DNAH9: variants seen among roughly 807,000 people sequenced by gnomAD.
The protein encoded by DNAH9 is dynein axonemal heavy chain 9, also known as DNAH9 variant protein.
DNAH9 carries 345 observed loss-of-function variants against 471.6 expected under a neutral mutation model. The ratio of observed to expected loss-of-function variants is 0.73; its 90% CI spans 0.67 to 0.80. DNAH9 has a LOEUF of 0.80. Ranked by LOEUF, DNAH9 falls within the 30% of genes least tolerant of loss-of-function variation. The probability of loss-of-function intolerance (pLI) is 0.00; values close to 1 mark genes in which losing one functional copy is unlikely to be tolerated. For synonymous variants in DNAH9, 2,093 were observed against 2,123.6 expected, an observed-to-expected ratio of 0.99 and a Z score of 0.40; for missense variants, 5,407 against 5,609.2, an observed-to-expected ratio of 0.96 and a Z score of 1.15.
chr17:11,908,552 T>C (rs1567892769), intron 61 of DNAH9, among the ~76,000 whole-genome samples: 1 of 152,184 alleles, frequency 6.6e-6, no homozygotes, highest in Non-Finnish European at 1.5e-5. Flanking sequence ...TACTCGGTAG[T>C]CAGAGCTGTA....
intron 1 of DNAH9, among the ~76,000 whole-genome samples, chr17:11,602,070 C>G (rs1334830349): frequency 6.6e-6 from 1 of 152,148 alleles, no homozygotes; most frequent in Non-Finnish European, 1.5e-5. Context: ...CCACATCATT[C>G]ACTACTGCCA....
chr17:11,732,652 A>AG (rs2150822472), intron 28 of DNAH9, among the ~76,000 whole-genome samples: 1 of 151,654 alleles, frequency 6.6e-6, no homozygotes, highest in Admixed American at 6.6e-5. Context: ...ATTCCAAAAA[A>AG]AAATTACTCT....
At chr17:11,683,975 A>T (rs1402682659) in intron 19 of DNAH9, among the ~76,000 whole-genome samples, 1 of 152,152 alleles carries the variant, frequency 6.6e-6, no homozygotes, top group Admixed American at 6.5e-5. Context: ...GGTGTGTGTG[A>T]GTGTTCAAAA....
At chr17:11,655,813 T>C (rs1268127253) in intron 14 of DNAH9, among the ~76,000 whole-genome samples, 1 of 151,794 alleles carries the variant, frequency 6.6e-6, no homozygotes, top group Non-Finnish European at 1.5e-5. Flanking sequence ...AGCTAAACTA[T>C]GAGGAGGCAA....
chr17:11,900,872 C>G (rs200587763), intron 59 of DNAH9, among the ~76,000 whole-genome samples: 5 of 152,210 alleles, frequency 3.3e-5, no homozygotes, highest in East Asian at 3.9e-4. Context: ...GAAGGCAGGA[C>G]TGCAGGTAAT....
intron 48 of DNAH9, among the ~76,000 whole-genome samples, chr17:11,825,938 G>C (rs988000405): frequency 4.6e-5 from 7 of 152,188 alleles, no homozygotes; most frequent in African/African-American, 1.7e-4. Context: ...GAACTATCAT[G>C]GTGTCAGGTG....
chr17:11,884,515 C>T (rs113429812), intron 56 of DNAH9: 23 of 454,656 alleles, frequency 5.1e-5, no homozygotes, highest in East Asian at 4.9e-4. Flanking sequence ...ATACCTTTGA[C>T]GGAAGATGCT....
At chr17:11,808,721 T>C (rs1191437911) in intron 44 of DNAH9, among the ~76,000 whole-genome samples, 1 of 152,216 alleles carries the variant, frequency 6.6e-6, no homozygotes, top group Non-Finnish European at 1.5e-5. Context: ...GCTGAGACTG[T>C]GGGTCTCAAC....
chr17:11,652,768 C>G lies in DNAH9; in HGVS notation c.2361C>G (p.Cys787Trp). ...ETLNWKTEGI[C>W]DYVTEITSSI... ...GTTTCTTTTGGGGAACAGGCATTTG[C>G]GATTATGTCACTGAAATCACCAGTA... is the stretch of plus-strand genomic sequence containing the variant. The change falls in exon 14 of 69, where the codon TGC becomes TGG. Residue 787 changes from cysteine to tryptophan, a missense_variant. Physicochemically the swap from Cys to Trp is radical, Grantham distance 215 (BLOSUM62 -2). Coordinates refer to ENST00000262442, the MANE Select transcript of DNAH9 (RefSeq NM_001372.4). 1 of 1,612,712 alleles carries G rather than the reference C, an allele frequency of 6.2e-7. No homozygotes were observed. Among genetic ancestry groups the G allele is most frequent in the Non-Finnish European group, 8.5e-7 (1 of 1,179,388 alleles).
intron 38 of DNAH9, among the ~76,000 whole-genome samples, chr17:11,780,196 C>G (rs1473725762): frequency 6.6e-6 from 1 of 152,252 alleles, no homozygotes; most frequent in Non-Finnish European, 1.5e-5. Context: ...AGTTTCTGCA[C>G]TCTGTCTCCA....
At chr17:11,897,876 A>G (rs1973268575) in intron 59 of DNAH9, among the ~76,000 whole-genome samples, 1 of 152,242 alleles carries the variant, frequency 6.6e-6, no homozygotes, top group African/African-American at 2.4e-5. Flanking sequence ...GGCTTAAAAC[A>G]ACAGAAATCT....
intron 48 of DNAH9, among the ~76,000 whole-genome samples, chr17:11,830,106 C>G (rs937752852): frequency 6.6e-6 from 1 of 152,210 alleles, no homozygotes; most frequent in Non-Finnish European, 1.5e-5. Context: ...CTCACTGGCT[C>G]TGGTGGCCAG....
chr17:11,684,755 G>C (rs2074207850), intron 19 of DNAH9, among the ~76,000 whole-genome samples: 1 of 152,174 alleles, frequency 6.6e-6, no homozygotes, highest in Non-Finnish European at 1.5e-5. Context: ...CTTCCATGGG[G>C]TGCTGTCCTA....
intron 31 of DNAH9, among the ~76,000 whole-genome samples, chr17:11,745,908 G>C (rs766727998): frequency 1.3e-5 from 2 of 152,156 alleles, no homozygotes; most frequent in Non-Finnish European, 2.9e-5. Context: ...CACACACACA[G>C]ATACAGAAAG....
chr17:11,631,912 G>A (rs2150673665), intron 7 of DNAH9, among the ~76,000 whole-genome samples: 1 of 151,094 alleles, frequency 6.6e-6, no homozygotes, highest in East Asian at 2.0e-4. Context: ...ATGTTTCTCT[G>A]AAAATTGCTA....
At chr17:11,700,119 A>G (rs113919889) in intron 23 of DNAH9, among the ~76,000 whole-genome samples, 6 of 152,318 alleles carry the variant, frequency 3.9e-5, no homozygotes, top group African/African-American at 1.2e-4. Flanking sequence ...TTAACCAAAG[A>G]CCTGTGCAGA....
chr17:11,834,752 G>A lies in DNAH9; in HGVS notation c.9361G>A (p.Glu3121Lys). The change falls in exon 49 of 69, where the codon GAG (glutamate) becomes AAG (lysine). Residue 3121 changes from glutamate to lysine, a missense_variant. Glu to Lys is a moderately conservative substitution (Grantham distance 56, BLOSUM62 1). Around this residue, in one of 3 missense-constraint regions of DNAH9, gnomAD observed 4,636 missense variants for 4,900.3 expected, o/e 0.95. Transcript: ENST00000262442. ...VGVETDKVSREKAMADEEEQK... is the reference protein window; with the variant it reads ...VGVETDKVSRKKAMADEEEQK... ...TGTGGAGACTGACAAAGTGAGCAGA[G>A]AGAAAGCCATGGCAGATGAAGAGGA... The A allele has an allele frequency of 6.2e-7, 1 of 1,614,122 alleles. No individual in the cohort carries two copies. Among genetic ancestry groups the A allele is most frequent in the South Asian group, 1.1e-5 (1 of 91,062 alleles).
chr17:11,928,271 C>A lies in DNAH9; in HGVS notation c.11878-1595C>A, dbSNP rs530017531. Among the ~76,000 whole-genome samples, 44 of 152,170 alleles carry A rather than the reference C, an allele frequency of 2.9e-4. No individual in the cohort carries two copies. In the South Asian group the frequency reaches 8.9e-3, roughly 31 times the overall value. On this transcript the variant is annotated intron_variant, in intron 62 of 68. Transcript: ENST00000262442. ...CATATGTGAGCCACTGCACCCAGTC[C>A]TACAAAACCCTTTCAAATCCATTTC...
At chr17:11,916,094 C>G (rs1973947839) in intron 61 of DNAH9, among the ~76,000 whole-genome samples, 1 of 152,196 alleles carries the variant, frequency 6.6e-6, no homozygotes, top group African/African-American at 2.4e-5. Context: ...CCCCTGGAGG[C>G]TTTGTTCCTT....
Sources: allele counts gnomAD v4.1 joint callset (sites outside exome capture counted in the v4.1 genomes callset), GRCh38; gene constraint gnomAD v4.1.1; regional missense constraint gnomAD v4.1.1; transcripts MANE v1.5; gene names NCBI Gene and HGNC (gene_info 2026-07-23, HGNC 2026-07-21).